Variants in PDZRN4 observed in about 807,000 individuals in gnomAD.
PDZRN4 encodes the protein PDZ domain-containing RING finger protein 4.
In PDZRN4, 70 loss-of-function variants were observed where a neutral mutation model predicts 99.0. The ratio of observed to expected loss-of-function variants is 0.71; its 90% CI spans 0.58 to 0.86. PDZRN4 has a LOEUF of 0.86. PDZRN4 is among the 40% of genes least tolerant of loss of function. PDZRN4 has a pLI of 0.00. For missense variants in PDZRN4, 1,474 were observed against 1,331.2 expected, an observed-to-expected ratio of 1.11 and a Z score of -1.67; for synonymous variants, 551 against 501.6, an observed-to-expected ratio of 1.10 and a Z score of -1.32.
intron 3 of PDZRN4, among the ~76,000 whole-genome samples, chr12:41,304,086 T>G (rs1025614634): frequency 3.3e-5 from 5 of 152,112 alleles, no homozygotes; most frequent in African/African-American, 1.2e-4. Flanking sequence ...AATTCTGTCT[T>G]GAGGGATATA....
rs777855203 is a variant in PDZRN4, at chr12:41,266,310, C to CAA, written c.843+72146_843+72147dup. Among the ~76,000 whole-genome samples the CAA allele has an allele frequency of 1.6e-3, 19 of 11,686 alleles. 5 individuals carry two copies. The highest frequency in any genetic ancestry group is 7.8e-3 in the African/African-American group (16 of 2,050). 7.7% of individuals were successfully genotyped at this position (11,686 alleles called of 152,430 possible). A position where few individuals can be genotyped will look rare whatever the true frequency, so the allele number is the denominator to read the frequency against. On this transcript the variant is annotated intron_variant, in intron 3 of 9. Transcript: ENST00000402685. ...TGGGCGACAGAGCGAGACTCCGTCT[C>CAA]AAAAAAAAAAAAAAAAAAAAAAAAA...
chr12:41,509,619 C>A (rs141697800), intron 4 of PDZRN4, 192 bp from the exon 5 acceptor site: 1 of 393,908 alleles, frequency 2.5e-6, no homozygotes, highest in Non-Finnish European at 4.6e-6. Context: ...TCAGAAATTG[C>A]AAATTGATGG....
chr12:41,291,579 C>T (rs1015916552), intron 3 of PDZRN4, among the ~76,000 whole-genome samples: 1 of 152,120 alleles, frequency 6.6e-6, no homozygotes, highest in Non-Finnish European at 1.5e-5. Flanking sequence ...TCCTAAGCCT[C>T]CCAAAGCCAA....
At chr12:41,352,189 A>G (rs998631335) in intron 3 of PDZRN4, among the ~76,000 whole-genome samples, 4 of 152,028 alleles carry the variant, frequency 2.6e-5, no homozygotes, top group Admixed American at 1.3e-4. Flanking sequence ...CTCAGTATTA[A>G]CAGATTAAAT....
intron 3 of PDZRN4, among the ~76,000 whole-genome samples, chr12:41,464,539 T>C (rs1952906820): frequency 6.6e-6 from 1 of 152,218 alleles, no homozygotes; most frequent in Non-Finnish European, 1.5e-5. Context: ...TTGATGTATT[T>C]TTTTCTTATT....
intron 3 of PDZRN4, among the ~76,000 whole-genome samples, chr12:41,258,813 C>T (rs1951219300): frequency 6.6e-6 from 1 of 151,760 alleles, no homozygotes; most frequent in Non-Finnish European, 1.5e-5. Context: ...AACACATACC[C>T]AAAGGATAAA....
intron 3 of PDZRN4, among the ~76,000 whole-genome samples, chr12:41,470,494 T>C (rs1424524632): frequency 6.6e-6 from 1 of 151,810 alleles, no homozygotes; most frequent in Non-Finnish European, 1.5e-5. Flanking sequence ...TTCACTTCCT[T>C]TTTTTTTAAT....
At chr12:41,502,196 C>G (rs1413542987) in intron 3 of PDZRN4, among the ~76,000 whole-genome samples, 1 of 152,106 alleles carries the variant, frequency 6.6e-6, no homozygotes, top group Non-Finnish European at 1.5e-5. Context: ...GACTACTAGC[C>G]TCTTATCGAA....
At chr12:41,220,510 T>A (rs1368952967) in intron 3 of PDZRN4, among the ~76,000 whole-genome samples, 1 of 152,084 alleles carries the variant, frequency 6.6e-6, no homozygotes, top group Non-Finnish European at 1.5e-5. Flanking sequence ...CAGAAGAGAA[T>A]CCTCACTACT....
At chr12:41,482,599 A>T (rs560886178) in intron 3 of PDZRN4, among the ~76,000 whole-genome samples, 2 of 152,194 alleles carry the variant, frequency 1.3e-5, no homozygotes, top group African/African-American at 4.8e-5. Context: ...CTCCCATTTT[A>T]CAGATGAAGA....
intron 3 of PDZRN4, among the ~76,000 whole-genome samples, chr12:41,320,527 T>C (rs1951668900): frequency 6.6e-6 from 1 of 152,188 alleles, no homozygotes. Context: ...TGAGGTGTCC[T>C]CTTATCAGTT....
At chr12:41,461,377 C>T (rs1209476650) in intron 3 of PDZRN4, among the ~76,000 whole-genome samples, 1 of 152,154 alleles carries the variant, frequency 6.6e-6, no homozygotes, top group African/African-American at 2.4e-5. Flanking sequence ...ATTCTCCACT[C>T]TGGGACCAAA....
intron 3 of PDZRN4, among the ~76,000 whole-genome samples, chr12:41,299,522 G>GT (rs541967021): frequency 6.6e-6 from 1 of 151,850 alleles, no homozygotes; most frequent in African/African-American, 2.4e-5. Context: ...ATAATCCCCT[G>GT]TTTTTTTAGG....
chr12:41,546,509 C>A (rs1213651164), intron 5 of PDZRN4, among the ~76,000 whole-genome samples: 3 of 152,082 alleles, frequency 2.0e-5, no homozygotes, highest in African/African-American at 4.8e-5. Context: ...GAATGTTGTG[C>A]CTACACATGC....
chr12:41,528,911 T>C (rs1001193120), intron 5 of PDZRN4, among the ~76,000 whole-genome samples: 11 of 152,218 alleles, frequency 7.2e-5, no homozygotes, highest in Non-Finnish European at 2.9e-5. Context: ...TGCAGTTTTT[T>C]AAGTCCTTTT....
intron 3 of PDZRN4, among the ~76,000 whole-genome samples, chr12:41,461,151 C>T (rs113202614): frequency 0.025 from 3,775 of 152,054 alleles, 167 homozygotes; most frequent in African/African-American, 0.088. Context: ...AAACAAATGA[C>T]AAGCACAAAA....
At chr12:41,205,574 C>G (rs1321377793) in intron 3 of PDZRN4, among the ~76,000 whole-genome samples, 4 of 151,848 alleles carry the variant, frequency 2.6e-5, no homozygotes, top group African/African-American at 9.7e-5. Flanking sequence ...TCTCTTTCCC[C>G]TCCTTTAACC....
chr12:41,447,398 T>C (rs1377842914), intron 3 of PDZRN4, among the ~76,000 whole-genome samples: 1 of 152,126 alleles, frequency 6.6e-6, no homozygotes, highest in Non-Finnish European at 1.5e-5. Context: ...GCACACTAAA[T>C]ATCAAGCATA....
intron 3 of PDZRN4, among the ~76,000 whole-genome samples, chr12:41,478,542 T>C (rs914533073): frequency 6.6e-6 from 1 of 152,192 alleles, no homozygotes; most frequent in African/African-American, 2.4e-5. Flanking sequence ...TGTAAAATGT[T>C]CAAAAACATT....
Sources: gnomAD v4.1 joint callset for allele counts (sites outside exome capture counted in the v4.1 genomes callset) on GRCh38, gnomAD v4.1.1 for gene constraint, MANE v1.5 for transcripts, NCBI Gene and HGNC (gene_info 2026-07-23, HGNC 2026-07-21) for gene names.